Variants in CNTNAP2 observed in about 807,000 individuals in gnomAD.
CNTNAP2 encodes contactin-associated protein-like 2.
CNTNAP2 carries 98 observed loss-of-function variants against 155.2 expected under a neutral mutation model. The observed-to-expected ratio is 0.63, with a 90% CI of 0.54 to 0.75. The LOEUF (loss-of-function observed/expected upper bound fraction) is 0.75. Among genes scored for constraint, CNTNAP2 ranks in the 30% least tolerant of loss-of-function variants. CNTNAP2 has a pLI of 0.00. For synonymous variants in CNTNAP2, 651 were observed against 631.2 expected (o/e 1.03, Z -0.47); for missense variants, 1,727 against 1,688.1 (o/e 1.02, Z -0.40).
At chr7:146,160,115 G>A (rs954541451) in intron 1 of CNTNAP2, among the ~76,000 whole-genome samples, 2 of 152,106 alleles carry the variant, frequency 1.3e-5, no homozygotes, top group Non-Finnish European at 2.9e-5. Context: ...CAAAATGAAG[G>A]CAGAAATAAA....
At chr7:148,339,762 C>T (rs947291021) in intron 21 of CNTNAP2, 1 of 152,248 alleles carries the variant, frequency 6.6e-6, no homozygotes, top group African/African-American at 2.4e-5. Flanking sequence ...GAGCGGGGCA[C>T]TGTAACTGGA....
chr7:146,439,588 CCAAA>C (rs1389602702), intron 1 of CNTNAP2, among the ~76,000 whole-genome samples: 7 of 151,526 alleles, frequency 4.6e-5, no homozygotes, highest in African/African-American at 1.5e-4. Context: ...CCAGAAGCCC[CCAAA>C]CAAAATGCCA....
chr7:146,714,174 A>C (rs1305153291), intron 1 of CNTNAP2, among the ~76,000 whole-genome samples: 1 of 152,060 alleles, frequency 6.6e-6, no homozygotes, highest in Non-Finnish European at 1.5e-5. Context: ...TCACTCCTCT[A>C]TTCTGTCACA....
intron 21 of CNTNAP2, among the ~76,000 whole-genome samples, chr7:148,313,869 T>A (rs1797639910): frequency 6.6e-6 from 1 of 152,162 alleles, no homozygotes; most frequent in South Asian, 2.1e-4. Flanking sequence ...AGCCATGAAC[T>A]GGACTGGGTT....
chr7:146,141,945 G>A (rs1562965887), intron 1 of CNTNAP2, among the ~76,000 whole-genome samples: 1 of 152,082 alleles, frequency 6.6e-6, no homozygotes, highest in Non-Finnish European at 1.5e-5. Context: ...TGATCTCAAA[G>A]AGGGCTCAGT....
chr7:146,763,530 T>G (rs536919217), intron 1 of CNTNAP2, among the ~76,000 whole-genome samples: 1 of 152,268 alleles, frequency 6.6e-6, no homozygotes, highest in Non-Finnish European at 1.5e-5. Flanking sequence ...CTCTATAAAT[T>G]GTCATTGAAG....
intron 11 of CNTNAP2, among the ~76,000 whole-genome samples, chr7:147,509,540 T>C (rs890112061): frequency 6.6e-6 from 1 of 152,182 alleles, no homozygotes; most frequent in African/African-American, 2.4e-5. Flanking sequence ...GCTTTTTCTT[T>C]CTAACCTGTA....
chr7:147,617,741 C>A (rs976038817), intron 12 of CNTNAP2, among the ~76,000 whole-genome samples: 3 of 151,868 alleles, frequency 2.0e-5, no homozygotes, highest in Non-Finnish European at 4.4e-5. Flanking sequence ...TTGGTGTAAC[C>A]CACTTTTTTC....
intron 3 of CNTNAP2, among the ~76,000 whole-genome samples, chr7:146,942,526 A>G (rs1043698128): frequency 6.6e-6 from 1 of 152,196 alleles, no homozygotes; most frequent in Non-Finnish European, 1.5e-5. Context: ...ATTACAAGCT[A>G]TATATCAGTT....
intron 9 of CNTNAP2, among the ~76,000 whole-genome samples, chr7:147,309,596 A>G (rs955243595): frequency 6.6e-6 from 1 of 152,034 alleles, no homozygotes; most frequent in African/African-American, 2.4e-5. Flanking sequence ...CCCTAATTGT[A>G]GTGAGTCACC....
At chr7:147,642,044 C>G (rs1438671177) in intron 13 of CNTNAP2, among the ~76,000 whole-genome samples, 1 of 149,974 alleles carries the variant, frequency 6.7e-6, no homozygotes, top group South Asian at 2.1e-4. Flanking sequence ...TAACTGGATT[C>G]TGTTTCCAGT....
At chr7:146,323,986 T>C (rs149723820) in intron 1 of CNTNAP2, among the ~76,000 whole-genome samples, 117 of 152,336 alleles carry the variant, frequency 7.7e-4, no homozygotes, top group African/African-American at 2.6e-3. Flanking sequence ...TCTCGTCATA[T>C]GGCCTAAAGA....
Position 146,395,831 on chromosome 7 carries a change from GAGAGA to G in CNTNAP2, c.97+278859_97+278863del, listed in dbSNP as rs1563068463. 7.3e-5 allele frequency among the ~76,000 whole-genome samples: 8 copies of G among 109,232 alleles called. No individual in the cohort carries two copies. The East Asian group carries it at 1.4e-3, about 18-fold the overall frequency. 71.7% of individuals were successfully genotyped at this position (109,232 alleles called of 152,430 possible). The stretch of plus-strand genomic sequence containing the variant: ...TAGATAGATAGATAGATAGAGGAGA[GAGAGA>G]GAGAGAGAGAGAGAGAGAGATTAGA... On this transcript the variant is annotated intron_variant, in intron 1 of 23. Transcript: ENST00000361727.
chr7:147,665,461 C>A (rs931707888), intron 13 of CNTNAP2, among the ~76,000 whole-genome samples: 1 of 152,130 alleles, frequency 6.6e-6, no homozygotes, highest in African/African-American at 2.4e-5. Context: ...TCTTTTCCTT[C>A]CTCTTATTTT....
intron 12 of CNTNAP2, among the ~76,000 whole-genome samples, chr7:147,580,082 TG>T (rs1277161856): frequency 6.6e-6 from 1 of 152,242 alleles, no homozygotes; most frequent in Non-Finnish European, 1.5e-5. Context: ...ATGAGTTATT[TG>T]CTGACTGTTC....
rs187961215 is a variant in CNTNAP2 at position 147,683,689 on chromosome 7, A to G, written c.2098+44383A>G. Among the ~76,000 whole-genome samples the G allele has an allele frequency of 1.3e-4, 20 of 151,708 alleles. No individual in the cohort carries two copies. In the East Asian group the frequency reaches 2.1e-3, roughly 16 times the overall value. On this transcript the variant is annotated intron_variant, in intron 13 of 23. Transcript: ENST00000361727. ...CATATGGCACATGCATTATAATATT[A>G]AAAGGGAAGAATTCTCAACTTGTTA...
At chr7:147,854,732 A>T (rs971589875) in intron 13 of CNTNAP2, among the ~76,000 whole-genome samples, 1 of 152,200 alleles carries the variant, frequency 6.6e-6, no homozygotes, top group African/African-American at 2.4e-5. Context: ...AATTATATTT[A>T]AAAACTGATT....
chr7:147,022,053 T>G (rs1798827215), intron 3 of CNTNAP2, among the ~76,000 whole-genome samples: 1 of 152,170 alleles, frequency 6.6e-6, no homozygotes, highest in Non-Finnish European at 1.5e-5. Flanking sequence ...TATACTCTTT[T>G]GGCCACTTTA....
At chr7:147,609,471 C>G (rs1452185335) in intron 12 of CNTNAP2, among the ~76,000 whole-genome samples, 1 of 152,068 alleles carries the variant, frequency 6.6e-6, no homozygotes, top group African/African-American at 2.4e-5. Flanking sequence ...GCGGAACTTG[C>G]AGTGAGCCAA....
Sources: allele counts gnomAD v4.1 joint callset (sites outside exome capture counted in the v4.1 genomes callset), GRCh38; gene constraint gnomAD v4.1.1; transcripts MANE v1.5; gene names NCBI Gene and HGNC (gene_info 2026-07-23, HGNC 2026-07-21).